MGAT1: variants seen among roughly 807,000 people sequenced by gnomAD.
The protein encoded by MGAT1 is N-glycosyl-oligosaccharide-glycoprotein N-acetylglucosaminyltransferase I.
In MGAT1, 14 loss-of-function variants were observed where a neutral mutation model predicts 31.7. That is an observed-to-expected ratio of 0.44 (90% CI 0.29 to 0.69). The LOEUF (loss-of-function observed/expected upper bound fraction) is 0.69, where lower values mean the gene tolerates loss of function less well. Ranked by LOEUF, MGAT1 falls within the 30% of genes least tolerant of loss-of-function variation. The pLI is 0.12. For synonymous variants in MGAT1, 338 were observed against 276.0 expected (o/e 1.22, Z -2.23); for missense variants, 557 against 626.0 (o/e 0.89, Z 1.18).
chr5:180,804,192 A>G, upstream of MGAT1, among the ~76,000 whole-genome samples: 1 of 152,328 alleles, frequency 6.6e-6, no homozygotes, highest in East Asian at 1.9e-4. Flanking sequence ...CTGCGGAGTG[A>G]GCGTTATCAT....
chr5:180,800,691 A>C (rs967353226), intron 1 of MGAT1, among the ~76,000 whole-genome samples: 1 of 152,212 alleles, frequency 6.6e-6, no homozygotes, highest in Non-Finnish European at 1.5e-5. Context: ...GGGAACCACA[A>C]GTCCCTATTG....
intron 1 of MGAT1, among the ~76,000 whole-genome samples, chr5:180,793,631 T>C (rs1311650824): frequency 6.6e-6 from 1 of 151,804 alleles, no homozygotes; most frequent in African/African-American, 2.4e-5. Context: ...AAAGCAGAAG[T>C]GGAAAGGAAG....
In MGAT1 at chr5:180,792,552, G is replaced by A. The variant is rs991308712; in HGVS notation, c.420C>T (p.Ser140=). The A allele has an allele frequency of 6.2e-7, 1 of 1,612,900 alleles. No homozygotes were observed. The highest frequency in any genetic ancestry group is 1.7e-5 in the Admixed American group (1 of 60,030). The change falls in exon 2 of 2, where the codon AGC becomes AGT. Residue 140 remains serine (S), a synonymous_variant. Coordinates refer to ENST00000307826, the MANE Select transcript of MGAT1 (RefSeq NM_002406.4). ...PSAELFPIIV[S]QDCGHEETAQ... ...CCGTCTCCTCGTGCCCGCAGTCCTG[G>A]CTAACGATGATGGGGAAGAGCTCAG... is the stretch of plus-strand genomic sequence containing the variant.
Position 180,791,880 on chromosome 5 carries a change from A to C in MGAT1, c.1092T>G (p.Gly364=). The change falls in exon 2 of 2, where the codon GGT becomes GGG. Residue 364 remains glycine, a synonymous_variant. Transcript: ENST00000307826. ...YDRDFLARVY[G]APQLQVEKVR... ...CTTTCTCCACCTGCAGCTGGGGAGCACCGTAGACGCGGGCGAGGAAATCTC... is the reference window on the plus strand; with the variant it reads ...CTTTCTCCACCTGCAGCTGGGGAGCCCCGTAGACGCGGGCGAGGAAATCTC... 6 of 1,614,128 alleles carry C rather than the reference A, an allele frequency of 3.7e-6. No homozygotes were observed. The highest frequency in any genetic ancestry group is 5.1e-6 in the Non-Finnish European group (6 of 1,180,010).
intron 1 of MGAT1, among the ~76,000 whole-genome samples, chr5:180,799,209 C>T (rs1256366718): frequency 6.6e-6 from 1 of 152,220 alleles, no homozygotes; most frequent in African/African-American, 2.4e-5. Flanking sequence ...CAAAGCCCTT[C>T]AGACAGACTG....
rs1321147867 is a variant in MGAT1 at position 180,792,822 on chromosome 5, G to A, written c.150C>T (p.Leu50=). The change falls in exon 2 of 2, where the codon CTC becomes CTT. Residue 50 remains leucine, a synonymous_variant. Coordinates refer to ENST00000307826, the MANE Select transcript of MGAT1 (RefSeq NM_002406.4). ...VSALDGDPAS[L]TREVIRLAQD... ...GGGCCAGGCGAATCACTTCCCGGGTGAGGCTGGCGGGGTCGCCATCGAGAG... is the reference window on the plus strand; with the variant it reads ...GGGCCAGGCGAATCACTTCCCGGGTAAGGCTGGCGGGGTCGCCATCGAGAG... 1.9e-6 allele frequency: 3 copies of A among 1,561,800 alleles called. No homozygotes were observed. The South Asian group carries it at 3.5e-5, about 18-fold the overall frequency.
At chr5:180,813,533 GTC>G (rs1377918801) in intron 1 of MGAT1, among the ~76,000 whole-genome samples, 1 of 152,224 alleles carries the variant, frequency 6.6e-6, no homozygotes, top group Non-Finnish European at 1.5e-5. Flanking sequence ...TGGGCCAAAA[GTC>G]TGGTCTTGCT....
chr5:180,812,167 T>C (rs79470972), intron 1 of MGAT1, among the ~76,000 whole-genome samples: 1,890 of 152,354 alleles, frequency 0.012, 37 homozygotes, highest in African/African-American at 0.042. Context: ...TCCCGGTGGC[T>C]GCAACAGTTG....
rs1767936583 is a variant in MGAT1, at chr5:180,790,789, G to A, written c.*845C>T. 1 of 152,314 alleles carries A rather than the reference G, an allele frequency of 6.6e-6. No individual in the cohort carries two copies. The highest frequency in any genetic ancestry group is 1.5e-5 in the Non-Finnish European group (1 of 68,152). The allele number at this position is 152,314 out of a possible 1,614,324, so 9.4% of individuals were successfully genotyped here. On this transcript the variant is annotated 3_prime_UTR_variant, in exon 2 of 2. Coordinates refer to ENST00000307826, the MANE Select transcript of MGAT1 (RefSeq NM_002406.4). ...ACCTCATGCTGAGAGGAGCCTGTGT[G>A]TCAAACCCCAGGGGAAAAAGGGACA...
intron 1 of MGAT1, chr5:180,809,242 C>T (rs956084041): frequency 1.3e-5 from 2 of 152,142 alleles, no homozygotes; most frequent in African/African-American, 2.4e-5. Context: ...ACTTAACTCA[C>T]GTATCACACG....
chr5:180,811,733 G>A (rs1772588845), intron 1 of MGAT1, among the ~76,000 whole-genome samples: 1 of 151,660 alleles, frequency 6.6e-6, no homozygotes, highest in Admixed American at 6.6e-5. Context: ...GCTCCAAACT[G>A]CACAGCGGCT....
intron 1 of MGAT1, among the ~76,000 whole-genome samples, chr5:180,802,041 T>G (rs1770883082): frequency 6.6e-6 from 1 of 152,072 alleles, no homozygotes; most frequent in Non-Finnish European, 1.5e-5. Flanking sequence ...GGGCAACATC[T>G]CAGCCAGTGA....
rs1022834865 is a variant in MGAT1, at chr5:180,812,957, C to A, written c.-546+2457G>T. On this transcript the variant is annotated intron_variant, in intron 1 of 2. Coordinates refer to the MGAT1 transcript ENST00000333055. ...GTTTATGAAAAATATACTTCTATGG[C>A]ATTTTTAATGACCAAGTGGCATACT... Among the ~76,000 whole-genome samples the A allele has an allele frequency of 1.2e-4, 18 of 152,314 alleles. 1 individual carries two copies. The highest frequency in any genetic ancestry group is 1.0e-3 in the Admixed American group (16 of 15,304).
intron 1 of MGAT1, among the ~76,000 whole-genome samples, chr5:180,794,151 G>A (rs1768819699): frequency 1.3e-5 from 2 of 151,616 alleles, no homozygotes; most frequent in South Asian, 4.2e-4. Context: ...GGCCAATACA[G>A]GAGGATCACT....
Position 180,793,031 on chromosome 5 carries a change from C to G in MGAT1, c.-60G>C. The stretch of plus-strand genomic sequence containing the variant: ...GGTTCAAGGCTGCCCTGGGCTTGCC[C>G]GGCTCCCTTGCCCGCAGTCCTAGGG... On this transcript the variant is annotated 5_prime_UTR_variant, in exon 2 of 2. Coordinates refer to ENST00000307826, the MANE Select transcript of MGAT1 (RefSeq NM_002406.4). The G allele has an allele frequency of 6.3e-7, 1 of 1,592,682 alleles. No individual in the cohort carries two copies. The highest frequency in any genetic ancestry group is 1.1e-5 in the South Asian group (1 of 87,972).
At chr5:180,802,836 C>G (rs1204964472), upstream of MGAT1, 1 of 151,372 alleles carries the variant, frequency 6.6e-6, no homozygotes, top group Non-Finnish European at 1.5e-5. Context: ...GCCGGGCGGG[C>G]AACGTGGCCC....
intron 1 of MGAT1, among the ~76,000 whole-genome samples, chr5:180,797,097 G>T (rs1451445766): frequency 6.6e-6 from 1 of 152,184 alleles, no homozygotes; most frequent in African/African-American, 2.4e-5. Context: ...GTGAAGTGCT[G>T]CTCTGCATGG....
intron 1 of MGAT1, among the ~76,000 whole-genome samples, chr5:180,813,967 C>T (rs1156433547): frequency 6.6e-6 from 1 of 152,220 alleles, no homozygotes; most frequent in Non-Finnish European, 1.5e-5. Flanking sequence ...ATTACCTATT[C>T]TGGCAGCTGT....
intron 1 of MGAT1, among the ~76,000 whole-genome samples, chr5:180,799,245 C>T (rs961799752): frequency 6.6e-6 from 1 of 152,162 alleles, no homozygotes; most frequent in Non-Finnish European, 1.5e-5. Context: ...TTCAACCTTA[C>T]CTCCAACCAC....
Sources: gnomAD v4.1 joint callset for allele counts (sites outside exome capture counted in the v4.1 genomes callset) on GRCh38, gnomAD v4.1.1 for gene constraint, MANE v1.5 for transcripts, NCBI Gene and HGNC (gene_info 2026-07-23, HGNC 2026-07-21) for gene names.